Variants in ARSK observed in about 807,000 individuals in gnomAD.
ARSK encodes the protein arylsulfatase family member K.
ARSK carries 37 observed loss-of-function variants against 53.2 expected under a neutral mutation model. The observed-to-expected ratio is 0.70, with a 90% CI of 0.54 to 0.92. The LOEUF (loss-of-function observed/expected upper bound fraction) is 0.92, where lower values mean the gene tolerates loss of function less well. Among genes scored for constraint, ARSK ranks in the 40% least tolerant of loss-of-function variants. The pLI, the probability that ARSK is intolerant of heterozygous loss-of-function variation, is 0.00. For missense variants in ARSK, 613 were observed against 643.0 expected, an observed-to-expected ratio of 0.95 and a Z score of 0.51; for synonymous variants, 208 against 223.2, an observed-to-expected ratio of 0.93 and a Z score of 0.61.
chr5:95,598,299 A>G (rs1207088544), intron 6 of ARSK, among the ~76,000 whole-genome samples: 2 of 152,206 alleles, frequency 1.3e-5, no homozygotes, highest in Admixed American at 6.5e-5. Flanking sequence ...AATATGCAAA[A>G]TGATTTTAAA....
rs780938904 is a variant in ARSK, at chr5:95,591,605, A to G, written c.1076A>G (p.Asp359Gly). 33 of 1,614,042 alleles carry G rather than the reference A, an allele frequency of 2.0e-5. No homozygotes were observed. Among genetic ancestry groups the G allele is most frequent in the Non-Finnish European group, 2.5e-5 (29 of 1,179,932 alleles). ...GTATCAAATGTGGTTTCTCTTGTGGATATTTACCCTACCATGCTTGGTAAG... is the reference window on the plus strand; with the variant it reads ...GTATCAAATGTGGTTTCTCTTGTGGGTATTTACCCTACCATGCTTGGTAAG... Reference protein sequence around the residue: ...LQVSNVVSLVDIYPTMLDIAG... With the variant: ...LQVSNVVSLVGIYPTMLDIAG... The change falls in exon 6 of 8, where the codon GAT (aspartate) becomes GGT (glycine). Residue 359 changes from aspartate (D) to glycine (G), a missense_variant. By Grantham distance (94) the Asp-to-Gly change is moderately conservative (BLOSUM62 -1). Transcript: ENST00000380009.
At chr5:95,564,492 T>G (rs1748694321) in intron 1 of ARSK, among the ~76,000 whole-genome samples, 1 of 152,248 alleles carries the variant, frequency 6.6e-6, no homozygotes, top group Non-Finnish European at 1.5e-5. Context: ...TTTTCTGTTT[T>G]GCTTTGCAAA....
chr5:95,561,200 A>G, intron 1 of ARSK, among the ~76,000 whole-genome samples: 1 of 152,238 alleles, frequency 6.6e-6, no homozygotes, highest in Non-Finnish European at 1.5e-5. Context: ...CATTCGGGAA[A>G]TGTAAATCAA....
chr5:95,570,007 A>G (rs1158701526), intron 3 of ARSK, among the ~76,000 whole-genome samples: 2 of 152,080 alleles, frequency 1.3e-5, no homozygotes, highest in African/African-American at 4.8e-5. Flanking sequence ...AACTCTCTCC[A>G]CCAAGCTACT....
Position 95,586,825 on chromosome 5 carries a change from A to G in ARSK, c.871+92A>G, listed in dbSNP as rs182651690. 4,494 of 1,127,484 alleles carry G rather than the reference A, an allele frequency of 4.0e-3. 18 individuals carry two copies. The highest frequency in any genetic ancestry group is 5.1e-3 in the Admixed American group (175 of 34,630). 69.8% of individuals were successfully genotyped at this position (1,127,484 alleles called of 1,614,324 possible). Reference sequence around the variant, plus strand: ...TCATGCTGCTTGGTGACTTTCTTACAAAGTTGCTTATAACTATAGGAATCT... The same window carrying G: ...TCATGCTGCTTGGTGACTTTCTTACGAAGTTGCTTATAACTATAGGAATCT... On this transcript the variant is annotated intron_variant, in intron 5 of 7. Transcript: ENST00000380009.
In ARSK at chr5:95,583,073, A is replaced by G. The variant is rs144947947; in HGVS notation, c.574A>G (p.Ile192Val). 99 of 1,613,834 alleles carry G rather than the reference A, an allele frequency of 6.1e-5. No homozygotes were observed. The highest frequency in any genetic ancestry group is 4.2e-4 in the East Asian group (19 of 44,860). ...AGTAAACTGGTTAAGAAAGGAAGCA[A>G]TTAATTACACTGAACCATTTGTTAT... ...KAVNWLRKEAINYTEPFVIYL... is the reference protein window; with the variant it reads ...KAVNWLRKEAVNYTEPFVIYL... The change falls in exon 4 of 8, where the codon ATT becomes GTT. Residue 192 changes from isoleucine to valine, a missense_variant. Transcript: ENST00000380009.
At chr5:95,603,179 T>C (rs528401604) in intron 7 of ARSK, 58 bp from the exon 8 acceptor site, 3 of 1,375,228 alleles carry the variant, frequency 2.2e-6, no homozygotes, top group Non-Finnish European at 9.8e-7. Flanking sequence ...ATAATGACAT[T>C]CTAAAAAAAT....
At chr5:95,568,081 C>T in intron 3 of ARSK, 32 bp downstream of exon 3, 1 of 1,604,484 alleles carries the variant, frequency 6.2e-7, no homozygotes, top group Non-Finnish European at 8.5e-7. Context: ...TCATCATGGA[C>T]TGCCCTCTGC....
At chr5:95,556,390 G>A in intron 1 of ARSK, 1 of 599,476 alleles carries the variant, frequency 1.7e-6, no homozygotes, top group South Asian at 2.1e-5. Context: ...ATTGTGCAGA[G>A]GAGAAGCTGA....
In ARSK at chr5:95,565,313, G is replaced by C. The variant is rs578100646; in HGVS notation, c.127-685G>C. Among the ~76,000 whole-genome samples the C allele has an allele frequency of 1.3e-4, 20 of 152,158 alleles. No homozygotes were observed. In the South Asian group the frequency reaches 3.7e-3, roughly 28 times the overall value. ...GCCCAGGCTGGTCTTGACCTCCTGA[G>C]CTCAAGCTATCCTCCCACCTCAGCC... On this transcript the variant is annotated intron_variant, in intron 1 of 7. Transcript: ENST00000380009.
chr5:95,575,294 G>A (rs926581895), intron 3 of ARSK, among the ~76,000 whole-genome samples: 6 of 152,084 alleles, frequency 3.9e-5, no homozygotes, highest in African/African-American at 1.4e-4. Context: ...CTCCAATTTT[G>A]TTCTTTTTGC....
chr5:95,576,353 TAC>T (rs1748923620), intron 3 of ARSK, among the ~76,000 whole-genome samples: 1 of 151,498 alleles, frequency 6.6e-6, no homozygotes, highest in Non-Finnish European at 1.5e-5. Flanking sequence ...TGCATGCCAC[TAC>T]ACCCGGCTAA....
intron 5 of ARSK, among the ~76,000 whole-genome samples, chr5:95,590,926 G>T (rs1431802101): frequency 6.6e-6 from 1 of 152,170 alleles, no homozygotes; most frequent in African/African-American, 2.4e-5. Flanking sequence ...TCTGGTGATT[G>T]CTTAGAGATT....
rs960066975 is a variant in ARSK at position 95,572,507 on chromosome 5, G to A, written c.416+4458G>A. ...GAAAGAAAACATTTGGGCCGGGCGCGGTGGCTCACGCCTGTAATCCCAGCA... is the reference window on the plus strand; with the variant it reads ...GAAAGAAAACATTTGGGCCGGGCGCAGTGGCTCACGCCTGTAATCCCAGCA... On this transcript the variant is annotated intron_variant, in intron 3 of 7. Transcript: ENST00000380009. 3.3e-5 allele frequency among the ~76,000 whole-genome samples: 5 copies of A among 152,298 alleles called. No individual in the cohort carries two copies. In the South Asian group the frequency reaches 8.3e-4, roughly 25 times the overall value.
rs1042025456 is a variant in ARSK, at chr5:95,592,154, C to T, written c.1096+529C>T. ...GTTTTTGTTGAAGATACTAGAATAA[C>T]GACATAATCAAATTCAAAGGAAATC... On this transcript the variant is annotated intron_variant, in intron 6 of 7. Transcript: ENST00000380009. Among the ~76,000 whole-genome samples, 4 of 152,130 alleles carry T rather than the reference C, an allele frequency of 2.6e-5. 1 individual carries two copies. The South Asian group carries it at 8.3e-4, about 31-fold the overall frequency.
At chr5:95,581,249 C>T (rs1020425826) in intron 3 of ARSK, among the ~76,000 whole-genome samples, 1 of 152,038 alleles carries the variant, frequency 6.6e-6, no homozygotes, top group Non-Finnish European at 1.5e-5. Context: ...AAAAGAATCT[C>T]AGGAACACAG....
chr5:95,561,367 C>T (rs996769969), intron 1 of ARSK, among the ~76,000 whole-genome samples: 3 of 152,156 alleles, frequency 2.0e-5, no homozygotes, highest in South Asian at 4.1e-4. Flanking sequence ...GAATGGTTAA[C>T]CATAGAGTTG....
chr5:95,591,177 A>C (rs1233311758), intron 5 of ARSK, among the ~76,000 whole-genome samples: 1 of 152,150 alleles, frequency 6.6e-6, no homozygotes, highest in African/African-American at 2.4e-5. Context: ...TTTGAGCAAG[A>C]GTTCCCATGG....
rs777914445 is a variant in ARSK, at chr5:95,555,306, G to T, written c.28G>T (p.Ala10Ser). The T allele has an allele frequency of 1.2e-6, 2 of 1,603,240 alleles. No homozygotes were observed. Among genetic ancestry groups the T allele is most frequent in the South Asian group, 2.2e-5 (2 of 90,594 alleles). ...GCTACTGCTGTGGGTGTCGGTGGTC[G>T]CAGCCTTGGCGCTGGCGGTACTGGC... MLLLWVSVV[A>S]ALALAVLAPG... The change falls in exon 1 of 8, where the codon GCA becomes TCA. Residue 10 changes from alanine (A) to serine (S), a missense_variant. Transcript: ENST00000380009. This position sits in a 1 kb window ranked among gnomAD's most constrained non-coding sequence, Gnocchi z 4.0.
Sources: allele counts gnomAD v4.1 joint callset (sites outside exome capture counted in the v4.1 genomes callset), GRCh38; gene constraint gnomAD v4.1.1; non-coding constraint Gnocchi (gnomAD v3.1); transcripts MANE v1.5; gene names NCBI Gene and HGNC (gene_info 2026-07-23, HGNC 2026-07-21).